RUFY3: variants seen among roughly 807,000 people sequenced by gnomAD.
RUFY3 encodes protein RUFY3.
RUFY3 carries 34 observed loss-of-function variants against 84.0 expected under a neutral mutation model. That is an observed-to-expected ratio of 0.40 (90% CI 0.31 to 0.54). RUFY3 has a LOEUF of 0.54. Among genes scored for constraint, RUFY3 ranks in the 20% least tolerant of loss-of-function variants. The pLI, the probability that RUFY3 is intolerant of heterozygous loss-of-function variation, is 0.39. For synonymous variants in RUFY3, 242 were observed against 252.9 expected, an observed-to-expected ratio of 0.96 and a Z score of 0.41; for missense variants, 507 against 736.8, an observed-to-expected ratio of 0.69 and a Z score of 3.61.
intron 17 of RUFY3, among the ~76,000 whole-genome samples, chr4:70,805,606 C>T (rs1305062228): frequency 6.6e-6 from 1 of 152,108 alleles, no homozygotes; most frequent in Non-Finnish European, 1.5e-5. Flanking sequence ...AATCAGATAA[C>T]AAATGAACTG....
chr4:70,712,298 T>C (rs1741082438), intron 1 of RUFY3, among the ~76,000 whole-genome samples: 1 of 152,184 alleles, frequency 6.6e-6, no homozygotes, highest in Admixed American at 6.5e-5. Context: ...TAATAGTACT[T>C]AGCACTTTTT....
intron 1 of RUFY3, among the ~76,000 whole-genome samples, chr4:70,748,781 A>G (rs1039323809): frequency 6.6e-6 from 1 of 152,090 alleles, no homozygotes; most frequent in Non-Finnish European, 1.5e-5. Context: ...GGGAGAACCC[A>G]TTGTTTTTAT....
intron 1 of RUFY3, among the ~76,000 whole-genome samples, chr4:70,725,299 A>G (rs1187480343): frequency 6.6e-6 from 1 of 152,060 alleles, no homozygotes; most frequent in Non-Finnish European, 1.5e-5. Flanking sequence ...ATTGGTGGTC[A>G]ATGAGGGATT....
upstream of RUFY3, among the ~76,000 whole-genome samples, chr4:70,719,626 A>T (rs1377791920): frequency 6.6e-6 from 1 of 152,218 alleles, no homozygotes; most frequent in Non-Finnish European, 1.5e-5. Flanking sequence ...GTCCCATGTA[A>T]TTTGAAGGTT....
chr4:70,780,238 C>A (rs1440083230), intron 8 of RUFY3, among the ~76,000 whole-genome samples: 1 of 152,082 alleles, frequency 6.6e-6, no homozygotes, highest in African/African-American at 2.4e-5. Flanking sequence ...TACTTGGGTT[C>A]ATGTCCTGGC....
At chr4:70,755,006 C>T (rs1046356112) in intron 1 of RUFY3, among the ~76,000 whole-genome samples, 10 of 151,766 alleles carry the variant, frequency 6.6e-5, no homozygotes, top group African/African-American at 2.2e-4. Flanking sequence ...CGGGTTGAAG[C>T]GATTCTCCTG....
chr4:70,710,625 G>C (rs1740873379), intron 1 of RUFY3, among the ~76,000 whole-genome samples: 1 of 152,014 alleles, frequency 6.6e-6, no homozygotes, highest in South Asian at 2.1e-4. Flanking sequence ...AGCCGAGATT[G>C]CGCCATTGTA....
Position 70,806,763 on chromosome 4 carries a change from G to C in RUFY3, c.*104G>C, listed in dbSNP as rs1191124131. ...AGCCCAGTTCTTAGAGTCAACTAAA[G>C]AGTTGATAGGAATTTACTAGGTCCA... On this transcript the variant is annotated 3_prime_UTR_variant, in exon 18 of 18. Coordinates refer to ENST00000381006, the MANE Select transcript of RUFY3 (RefSeq NM_001037442.4). 16 of 1,373,044 alleles carry C rather than the reference G, an allele frequency of 1.2e-5. No homozygotes were observed. Among genetic ancestry groups the C allele is most frequent in the Non-Finnish European group, 1.6e-5 (16 of 1,003,176 alleles). 85.1% of individuals were successfully genotyped at this position (1,373,044 alleles called of 1,614,324 possible). A position where few individuals can be genotyped will look rare whatever the true frequency, so the allele number is the denominator to read the frequency against.
intron 9 of RUFY3, 44 bp downstream of exon 9, chr4:70,783,227 A>C: frequency 2.4e-6 from 3 of 1,252,380 alleles, no homozygotes; most frequent in Non-Finnish European, 3.5e-6. Flanking sequence ...AGAGCATATC[A>C]ACTTGTTAGT....
chr4:70,798,685 G>A (rs2148815921), intron 14 of RUFY3, among the ~76,000 whole-genome samples: 1 of 152,200 alleles, frequency 6.6e-6, no homozygotes, highest in East Asian at 1.9e-4. Context: ...CTGATGCTGA[G>A]GCCAGAGAAT....
exon 1 of RUFY3, chr4:70,705,273 A>G (rs977855064): frequency 4.0e-5 from 58 of 1,434,432 alleles, no homozygotes; most frequent in Middle Eastern, 2.4e-4. Flanking sequence ...CGGCGGCGGC[A>G]GCAGCGGCAG....
intron 12 of RUFY3, chr4:70,793,202 G>A: frequency 1.0e-6 from 1 of 986,156 alleles, no homozygotes; most frequent in Non-Finnish European, 1.2e-6. Flanking sequence ...GGGAAAGGAA[G>A]GAGACAGCCA....
chr4:70,747,398 A>AC (rs1722398685), intron 1 of RUFY3, among the ~76,000 whole-genome samples: 1 of 152,170 alleles, frequency 6.6e-6, no homozygotes, highest in South Asian at 2.1e-4. Context: ...TTTGTGACCC[A>AC]CTAAAGGGTT....
intron 1 of RUFY3, among the ~76,000 whole-genome samples, chr4:70,727,803 GA>G (rs1034849069): frequency 1.6e-4 from 23 of 148,338 alleles, no homozygotes; most frequent in Non-Finnish European, 3.3e-4. Flanking sequence ...AAAAAAAAAA[GA>G]TTTTTTTAAA....
chr4:70,799,818 G>GAA, intron 14 of RUFY3: 3 of 236,798 alleles, frequency 1.3e-5, no homozygotes, highest in Non-Finnish European at 2.4e-5. Context: ...CTGGGGAAAA[G>GAA]AAAAAAAAAA....
chr4:70,759,621 C>G (rs1210936413), intron 1 of RUFY3, among the ~76,000 whole-genome samples: 2 of 152,166 alleles, frequency 1.3e-5, no homozygotes, highest in Non-Finnish European at 2.9e-5. Flanking sequence ...AAAGGCTATA[C>G]TAATTGACAT....
intron 1 of RUFY3, among the ~76,000 whole-genome samples, chr4:70,747,808 A>G (rs778959935): frequency 2.0e-5 from 3 of 152,194 alleles, no homozygotes; most frequent in Non-Finnish European, 4.4e-5. Flanking sequence ...TGAGCCCATG[A>G]GTCCAAGTCC....
At chr4:70,705,067 C>G in exon 1 of RUFY3, 1 of 1,290,730 alleles carries the variant, frequency 7.7e-7, no homozygotes, top group East Asian at 3.2e-5. Context: ...GAGGGCGAGG[C>G]GGGGCCGCCG....
intron 17 of RUFY3, among the ~76,000 whole-genome samples, chr4:70,806,031 A>T: frequency 6.6e-6 from 1 of 152,222 alleles, no homozygotes; most frequent in East Asian, 1.9e-4. Flanking sequence ...AACCCAGTGG[A>T]TGTGCTTACA....
Sources: gnomAD v4.1 joint callset for allele counts (sites outside exome capture counted in the v4.1 genomes callset) on GRCh38, gnomAD v4.1.1 for gene constraint, MANE v1.5 for transcripts, NCBI Gene and HGNC (gene_info 2026-07-23, HGNC 2026-07-21) for gene names.